Variants in OPRM1 observed in about 807,000 individuals in gnomAD.
OPRM1 encodes the protein mu-type opioid receptor.
OPRM1 carries 27 observed loss-of-function variants against 31.8 expected under a neutral mutation model. The observed-to-expected ratio is 0.85, with a 90% CI of 0.63 to 1.17. The LOEUF is 1.17. Among genes scored for constraint, OPRM1 ranks in the 50% most tolerant of loss-of-function variants. OPRM1 has a pLI of 0.00. For missense variants in OPRM1, 536 were observed against 511.1 expected (o/e 1.05, Z -0.47); for synonymous variants, 196 against 189.9 (o/e 1.03, Z -0.26).
At chr6:154,233,838 C>T (rs1277534038) in intron 3 of OPRM1, among the ~76,000 whole-genome samples, 2 of 152,172 alleles carry the variant, frequency 1.3e-5, no homozygotes, top group Non-Finnish European at 2.9e-5. Context: ...CACTCTTTCA[C>T]CTGTGCAGAG....
intron 3 of OPRM1, among the ~76,000 whole-genome samples, chr6:154,167,176 C>T (rs565106062): frequency 9.7e-4 from 147 of 152,216 alleles, no homozygotes; most frequent in Non-Finnish European, 1.9e-3. Context: ...TCAGATAAAT[C>T]GTCTGCTAAA....
At chr6:154,227,800 A>G (rs1779377226) in intron 3 of OPRM1, among the ~76,000 whole-genome samples, 1 of 152,210 alleles carries the variant, frequency 6.6e-6, no homozygotes, top group Non-Finnish European at 1.5e-5. Flanking sequence ...CCTTTTCTGC[A>G]TAAGTGAAAC....
chr6:154,213,451 A>C (rs1045742502), intron 3 of OPRM1: 1 of 153,304 alleles, frequency 6.5e-6, no homozygotes, highest in African/African-American at 2.4e-5. Flanking sequence ...GGAAAAGAGG[A>C]CCAAGAAGAT....
At chr6:154,075,598 C>T (rs1787720836) in intron 1 of OPRM1, among the ~76,000 whole-genome samples, 1 of 152,062 alleles carries the variant, frequency 6.6e-6, no homozygotes, top group Admixed American at 6.6e-5. Flanking sequence ...ATTATGAGTG[C>T]AGGCCACCAT....
At chr6:154,183,957 A>C (rs1402653578) in intron 3 of OPRM1, among the ~76,000 whole-genome samples, 7 of 150,994 alleles carry the variant, frequency 4.6e-5, no homozygotes, top group Non-Finnish European at 1.0e-4. Context: ...AAAGAAAAAA[A>C]TTGTTTTGTG....
At chr6:154,245,910 G>T (rs1249577524) in intron 3 of OPRM1, among the ~76,000 whole-genome samples, 1 of 152,170 alleles carries the variant, frequency 6.6e-6, no homozygotes, top group Non-Finnish European at 1.5e-5. Context: ...ATTTTCAAAA[G>T]AAAACTAGCC....
At chr6:154,195,791 ATT>A (rs34769762) in intron 3 of OPRM1, among the ~76,000 whole-genome samples, 2,677 of 130,502 alleles carry the variant, frequency 0.021, 47 homozygotes, top group African/African-American at 0.064. Flanking sequence ...CTTGTTCACA[ATT>A]TTTTTTTTTT....
rs201732414 is a variant in OPRM1, at chr6:154,089,877, G to A, written c.342G>A (p.Leu114=). ...ATNIYIFNLA[L]ADALATSTLP... ...ACATCTACATTTTCAACCTTGCTCTGGCAGATGCCTTAGCCACCAGTACCC... is the reference window on the plus strand; with the variant it reads ...ACATCTACATTTTCAACCTTGCTCTAGCAGATGCCTTAGCCACCAGTACCC... The change falls in exon 2 of 4, where the codon CTG becomes CTA. Residue 114 remains leucine, a synonymous_variant. Transcript: ENST00000330432. 3.7e-6 allele frequency: 6 copies of A among 1,613,942 alleles called. No homozygotes were observed. The highest frequency in any genetic ancestry group is 5.1e-6 in the Non-Finnish European group (6 of 1,179,954).
intron 3 of OPRM1, among the ~76,000 whole-genome samples, chr6:154,206,780 C>T (rs1034339489): frequency 1.3e-5 from 2 of 152,126 alleles, no homozygotes; most frequent in Admixed American, 6.5e-5. Context: ...GCAAGTGGTC[C>T]TGCAAGTGGA....
intron 1 of OPRM1, among the ~76,000 whole-genome samples, chr6:154,048,906 T>C (rs909646545): frequency 6.6e-6 from 1 of 152,188 alleles, no homozygotes; most frequent in Non-Finnish European, 1.5e-5. Flanking sequence ...GTTAATATAG[T>C]CAATTCCCAT....
At chr6:154,041,164 ATCTG>A (rs1779980499) in intron 1 of OPRM1, among the ~76,000 whole-genome samples, 3 of 152,130 alleles carry the variant, frequency 2.0e-5, no homozygotes, top group Admixed American at 2.0e-4. Context: ...CTTTCTACTC[ATCTG>A]TCTGATTTCT....
Position 154,119,012 on chromosome 6 carries a change from A to C in OPRM1, c.*291A>C. 1 of 1,156,940 alleles carries C rather than the reference A, an allele frequency of 8.6e-7. No individual in the cohort carries two copies. The highest frequency in any genetic ancestry group is 1.1e-6 in the Non-Finnish European group (1 of 939,248). The allele number at this position is 1,156,940 out of a possible 1,614,324, so 71.7% of individuals were successfully genotyped here. A position where few individuals can be genotyped will look rare whatever the true frequency, so the allele number is the denominator to read the frequency against. ...GTATGTGAATTGAAGTCATCATAAA[A>C]GGTGACCCTTCTGTCTGTAAGATTT... On this transcript the variant is annotated 3_prime_UTR_variant, in exon 4 of 4. Transcript: ENST00000330432.
chr6:154,102,267 G>A (rs184642838), intron 3 of OPRM1, among the ~76,000 whole-genome samples: 2 of 149,164 alleles, frequency 1.3e-5, no homozygotes, highest in Non-Finnish European at 2.9e-5. Context: ...TGGGCTGAAT[G>A]TTCTTGGGCA....
intron 1 of OPRM1, among the ~76,000 whole-genome samples, chr6:154,020,444 C>T (rs2128381062): frequency 6.6e-6 from 1 of 152,188 alleles, no homozygotes; most frequent in Non-Finnish European, 1.5e-5. Context: ...CTAAAGTCCC[C>T]AAAATCCCAA....
At chr6:154,109,522 T>C (rs887562059) in intron 3 of OPRM1, among the ~76,000 whole-genome samples, 27 of 152,312 alleles carry the variant, frequency 1.8e-4, no homozygotes, top group African/African-American at 6.3e-4. Context: ...GACACTGAGA[T>C]AATTCAGATG....
intron 3 of OPRM1, among the ~76,000 whole-genome samples, chr6:154,199,325 C>T (rs1776889555): frequency 6.6e-6 from 1 of 152,170 alleles, no homozygotes; most frequent in Admixed American, 6.5e-5. Context: ...ACTACAAAAT[C>T]CTGATTTAAC....
At chr6:154,162,077 G>A (rs1027575949) in intron 3 of OPRM1, among the ~76,000 whole-genome samples, 2 of 152,160 alleles carry the variant, frequency 1.3e-5, no homozygotes, top group Non-Finnish European at 1.5e-5. Context: ...GAACTACATG[G>A]ATGCAAATCT....
intron 3 of OPRM1, among the ~76,000 whole-genome samples, chr6:154,138,737 C>G (rs1798124919): frequency 6.6e-6 from 1 of 152,280 alleles, no homozygotes; most frequent in Non-Finnish European, 1.5e-5. Context: ...AGACCTTTCC[C>G]AAAACAAACC....
At chr6:154,198,043 G>A (rs770915319) in intron 3 of OPRM1, among the ~76,000 whole-genome samples, 1 of 152,134 alleles carries the variant, frequency 6.6e-6, no homozygotes, top group Non-Finnish European at 1.5e-5. Context: ...AGAACAAGAG[G>A]TGTGACCAAT....
Sources: allele counts gnomAD v4.1 joint callset (sites outside exome capture counted in the v4.1 genomes callset), GRCh38; gene constraint gnomAD v4.1.1; transcripts MANE v1.5; gene names NCBI Gene and HGNC (gene_info 2026-07-23, HGNC 2026-07-21).